CCNH: variants seen among roughly 807,000 people sequenced by gnomAD.
CCNH encodes cyclin H.
A neutral mutation model predicts 41.9 loss-of-function variants in CCNH; 31 were observed. The ratio of observed to expected loss-of-function variants is 0.74; its 90% CI spans 0.56 to 1.00. The LOEUF is 1.00. CCNH is among the 50% of genes least tolerant of loss of function. The pLI is 0.00. For synonymous variants in CCNH, 138 were observed against 136.1 expected (o/e 1.01, Z -0.10); for missense variants, 362 against 388.4 (o/e 0.93, Z 0.57).
chr5:87,332,471 G>T (rs1341363228), intron 9 of CCNH: 2 of 1,573,274 alleles, frequency 1.3e-6, no homozygotes, highest in African/African-American at 1.4e-5. Context: ...TGGCTGTAAA[G>T]ATTTTTTTAT....
intron 2 of CCNH, 76 bp from the exon 3 acceptor site, chr5:87,409,439 T>C (rs1764059389): frequency 1.2e-6 from 1 of 806,504 alleles, no homozygotes; most frequent in Admixed American, 2.4e-5. Context: ...ACAGAACTTA[T>C]TTATGGAAAG....
rs150971816 is a variant in CCNH at position 87,383,631 on chromosome 5, C to T, written c.*90+9139G>A. On this transcript the variant is annotated intron_variant and NMD_transcript_variant, in intron 9 of 9. Transcript: ENST00000645953. ...ATGGGTTCTATGAGTACTAAAAATTCTGTTTATATATATTGTTTTAATGTA... is the reference window on the plus strand; with the variant it reads ...ATGGGTTCTATGAGTACTAAAAATTTTGTTTATATATATTGTTTTAATGTA... The T allele has an allele frequency of 1.7e-3, 1,791 of 1,057,952 alleles. 26 individuals are homozygous for T. In the African/African-American group the frequency reaches 0.027, roughly 16 times the overall value. 65.5% of individuals were successfully genotyped at this position (1,057,952 alleles called of 1,614,324 possible).
intron 9 of CCNH, among the ~76,000 whole-genome samples, chr5:87,348,196 C>T (rs1398917171): frequency 6.6e-6 from 1 of 151,962 alleles, no homozygotes; most frequent in African/African-American, 2.4e-5. Flanking sequence ...TGTATTAAGC[C>T]TTGAAGATTC....
At chr5:87,319,953 A>T (rs975318900) in intron 9 of CCNH, among the ~76,000 whole-genome samples, 1 of 152,224 alleles carries the variant, frequency 6.6e-6, no homozygotes, top group African/African-American at 2.4e-5. Context: ...ACTTTTAGAA[A>T]AATACCAGGT....
At chr5:87,349,229 G>A in intron 9 of CCNH, 1 of 1,611,936 alleles carries the variant, frequency 6.2e-7, no homozygotes, top group Non-Finnish European at 8.5e-7. Context: ...CAAGTCTGCA[G>A]TTTTCTTGTG....
chr5:87,364,395 T>A (rs765349986), intron 9 of CCNH, among the ~76,000 whole-genome samples: 1 of 152,188 alleles, frequency 6.6e-6, no homozygotes, highest in Non-Finnish European at 1.5e-5. Context: ...GAAATGCTGA[T>A]TGAACAAATA....
At chr5:87,389,975 G>A (rs1303447993), downstream of CCNH, among the ~76,000 whole-genome samples, 1 of 152,106 alleles carries the variant, frequency 6.6e-6, no homozygotes, top group Non-Finnish European at 1.5e-5. Context: ...TCTGAAGTGT[G>A]GCCTTGAAAG....
downstream of CCNH, among the ~76,000 whole-genome samples, chr5:87,316,612 C>T (rs1270863191): frequency 6.6e-6 from 1 of 152,118 alleles, no homozygotes; most frequent in Non-Finnish European, 1.5e-5. Context: ...GGATTGAGAA[C>T]ATGGAGAGTG....
At chr5:87,380,624 CA>C (rs759365518), upstream of CCNH, 1 of 1,529,466 alleles carries the variant, frequency 6.5e-7, no homozygotes, top group South Asian at 1.1e-5. Flanking sequence ...TTTGTTAAAT[CA>C]CATACTAATA....
At chr5:87,386,777 A>G, downstream of CCNH, 1 of 1,518,632 alleles carries the variant, frequency 6.6e-7, no homozygotes, top group Non-Finnish European at 9.1e-7. Context: ...TAATAGATCA[A>G]ACAGTGGTTT....
At chr5:87,394,046 T>G (rs1762724322), downstream of CCNH, 1 of 159,702 alleles carries the variant, frequency 6.3e-6, no homozygotes, top group South Asian at 1.9e-4. Context: ...GCTAAATATA[T>G]CAGGATGGCA....
chr5:87,312,786 A>G, the CCNH span, among the ~76,000 whole-genome samples: 1 of 152,204 alleles, frequency 6.6e-6, no homozygotes, highest in Admixed American at 6.5e-5. Context: ...TCCTCAGAGT[A>G]CTGGAAAATC....
chr5:87,319,341 C>G (rs897479692), intron 9 of CCNH, among the ~76,000 whole-genome samples: 7 of 152,252 alleles, frequency 4.6e-5, no homozygotes, highest in African/African-American at 1.7e-4. Context: ...ACATTTCCCC[C>G]TCTGCACTGC....
chr5:87,397,630 G>C (rs3093838), intron 7 of CCNH, among the ~76,000 whole-genome samples: 2 of 152,138 alleles, frequency 1.3e-5, no homozygotes, highest in Admixed American at 1.3e-4. Flanking sequence ...AGTTTGAGAA[G>C]CACCCCTCAA....
downstream of CCNH, among the ~76,000 whole-genome samples, chr5:87,389,683 C>T (rs556594532): frequency 6.6e-6 from 1 of 152,258 alleles, no homozygotes; most frequent in African/African-American, 2.4e-5. Context: ...ACAGAAATAA[C>T]GGGCCCCGAC....
chr5:87,357,551 A>G (rs866973473), intron 9 of CCNH, among the ~76,000 whole-genome samples: 15 of 152,242 alleles, frequency 9.9e-5, no homozygotes, highest in Middle Eastern at 3.4e-3. Flanking sequence ...TAAAAATACA[A>G]AAAATTAGCT....
chr5:87,368,480 G>C (rs1016831226), intron 9 of CCNH, among the ~76,000 whole-genome samples: 1 of 152,044 alleles, frequency 6.6e-6, no homozygotes, highest in East Asian at 1.9e-4. Context: ...TGTCTACTTA[G>C]TTTGACTAAG....
chr5:87,395,030 G>A lies in CCNH; in HGVS notation c.933+14C>T, dbSNP rs1432060729. On this transcript the variant is annotated intron_variant, in intron 8 of 8. Transcript: ENST00000256897. ...CAAAAATAACTTAGAGTTCATCTTT[G>A]GAGTAAAACATACCTCCTCATGTTT... 1.2e-6 allele frequency: 2 copies of A among 1,610,274 alleles called. No individual in the cohort carries two copies. Among genetic ancestry groups the A allele is most frequent in the Admixed American group, 1.7e-5 (1 of 59,986 alleles).
At chr5:87,356,233 T>C (rs557293154) in intron 9 of CCNH, among the ~76,000 whole-genome samples, 2 of 152,076 alleles carry the variant, frequency 1.3e-5, no homozygotes, top group Non-Finnish European at 2.9e-5. Flanking sequence ...GAAGAGTCAA[T>C]TGATGCAGCA....
Sources: allele counts gnomAD v4.1 joint callset (sites outside exome capture counted in the v4.1 genomes callset), GRCh38; gene constraint gnomAD v4.1.1; transcripts MANE v1.5; gene names NCBI Gene and HGNC (gene_info 2026-07-23, HGNC 2026-07-21).